Variants in LRP1B observed in about 807,000 individuals in gnomAD.
LRP1B encodes the protein low-density lipoprotein receptor-related protein 1B.
Under a neutral mutation model 556.6 loss-of-function variants are expected in LRP1B, and 217 were observed. That is an observed-to-expected ratio of 0.39 (90% CI 0.35 to 0.44). The LOEUF is 0.44. Among genes scored for constraint, LRP1B ranks in the 20% least tolerant of loss-of-function variants. The pLI, the probability that LRP1B is intolerant of heterozygous loss-of-function variation, is 1.00. For synonymous variants in LRP1B, 2,047 were observed against 1,865.8 expected (o/e 1.10, Z -2.50); for missense variants, 5,053 against 5,620.8 (o/e 0.90, Z 3.23).
intron 1 of LRP1B, among the ~76,000 whole-genome samples, chr2:142,005,609 T>C (rs1192141092): frequency 2.0e-5 from 3 of 152,170 alleles, no homozygotes; most frequent in African/African-American, 7.2e-5. Flanking sequence ...TAATGATGAA[T>C]AAAAGAAAAG....
intron 2 of LRP1B, among the ~76,000 whole-genome samples, chr2:141,728,174 A>C (rs753299159): frequency 5.3e-5 from 8 of 152,180 alleles, no homozygotes; most frequent in Non-Finnish European, 1.0e-4. Flanking sequence ...GGAGAGAAGA[A>C]CTTGCAAAGC....
At chr2:141,236,701 A>G (rs1425899930) in intron 5 of LRP1B, among the ~76,000 whole-genome samples, 1 of 152,178 alleles carries the variant, frequency 6.6e-6, no homozygotes, top group Non-Finnish European at 1.5e-5. Context: ...AACGTCTTAC[A>G]CACTGCCTTC....
chr2:140,320,304 C>A (rs1449009622), intron 82 of LRP1B, among the ~76,000 whole-genome samples: 1 of 152,142 alleles, frequency 6.6e-6, no homozygotes, highest in Non-Finnish European at 1.5e-5. Flanking sequence ...CTCTGCATAT[C>A]AAATGCTTAA....
chr2:140,351,205 A>T (rs1043964308), intron 76 of LRP1B, among the ~76,000 whole-genome samples, 167 bp from the exon 77 acceptor site: 4 of 151,976 alleles, frequency 2.6e-5, no homozygotes, highest in African/African-American at 9.7e-5. Flanking sequence ...ATTATTTCTG[A>T]TACTCACTTA....
chr2:141,098,901 C>T (rs1558859772), intron 7 of LRP1B, among the ~76,000 whole-genome samples: 1 of 152,152 alleles, frequency 6.6e-6, no homozygotes, highest in Non-Finnish European at 1.5e-5. Context: ...AGGTAATCCG[C>T]CCGCCTCAGC....
intron 2 of LRP1B, among the ~76,000 whole-genome samples, chr2:141,767,268 A>T (rs1051064719): frequency 6.6e-6 from 1 of 152,074 alleles, no homozygotes; most frequent in Admixed American, 6.5e-5. Flanking sequence ...AAGTATAAGG[A>T]GCTAAAGTAT....
At chr2:141,483,235 A>C (rs1034664679) in intron 2 of LRP1B, among the ~76,000 whole-genome samples, 8 of 149,940 alleles carry the variant, frequency 5.3e-5, no homozygotes, top group Non-Finnish European at 8.9e-5. Context: ...TCCTTGCGAT[A>C]GTTTGCTGAG....
chr2:140,740,820 G>T (rs1573648356), intron 35 of LRP1B, among the ~76,000 whole-genome samples: 1 of 151,884 alleles, frequency 6.6e-6, no homozygotes, highest in African/African-American at 2.4e-5. Flanking sequence ...TTTTTTCTGT[G>T]TACTAATCTT....
intron 6 of LRP1B, 121 bp downstream of exon 6, chr2:141,229,062 G>C (rs1005106025): frequency 7.5e-6 from 7 of 927,450 alleles, no homozygotes; most frequent in Non-Finnish European, 1.0e-5. Flanking sequence ...CAAGTTCATT[G>C]TATTTGCACA....
intron 35 of LRP1B, among the ~76,000 whole-genome samples, chr2:140,755,431 C>T (rs1688712402): frequency 6.6e-6 from 1 of 151,938 alleles, no homozygotes; most frequent in African/African-American, 2.4e-5. Flanking sequence ...TACTAGTGAA[C>T]TGAATCCAGC....
chr2:140,771,920 A>G (rs1012367474), intron 33 of LRP1B, among the ~76,000 whole-genome samples: 5 of 152,198 alleles, frequency 3.3e-5, no homozygotes, highest in African/African-American at 1.2e-4. Context: ...CAAAATACCA[A>G]TGCAGCTCGT....
At chr2:140,510,998 C>CT (rs1318070703) in intron 51 of LRP1B, among the ~76,000 whole-genome samples, 1,514 of 147,682 alleles carry the variant, frequency 0.01, 16 homozygotes, top group African/African-American at 0.031. Context: ...CCCTAAATCT[C>CT]TTTTTTTTTT....
intron 21 of LRP1B, among the ~76,000 whole-genome samples, chr2:140,910,515 A>G (rs1310769590): frequency 3.3e-5 from 5 of 151,896 alleles, no homozygotes; most frequent in Admixed American, 3.3e-4. Context: ...CTCCATAGAC[A>G]AAGTCACTGG....
chr2:140,357,928 G>A, intron 74 of LRP1B, 51 bp downstream of exon 74: 2 of 1,571,250 alleles, frequency 1.3e-6, no homozygotes, highest in South Asian at 2.3e-5. Flanking sequence ...TGTACAAGCA[G>A]AAGTTAGACT....
chr2:142,056,309 G>A (rs534785237), intron 1 of LRP1B, among the ~76,000 whole-genome samples: 2 of 144,948 alleles, frequency 1.4e-5, no homozygotes, highest in African/African-American at 2.5e-5. Flanking sequence ...CTGGAAAAAA[G>A]ATATAGTGTG....
chr2:140,376,102 T>A (rs1167702893), intron 68 of LRP1B, among the ~76,000 whole-genome samples: 3 of 152,064 alleles, frequency 2.0e-5, no homozygotes. Flanking sequence ...GCACTAAACA[T>A]CTATAAATGT....
At chr2:141,910,542 C>T (rs1350643492) in intron 1 of LRP1B, among the ~76,000 whole-genome samples, 1 of 151,810 alleles carries the variant, frequency 6.6e-6, no homozygotes, top group Non-Finnish European at 1.5e-5. Context: ...GATATGGATC[C>T]TACTGGCTAC....
chr2:141,200,120 C>T (rs1038216102), intron 6 of LRP1B, among the ~76,000 whole-genome samples: 1 of 152,132 alleles, frequency 6.6e-6, no homozygotes, highest in Non-Finnish European at 1.5e-5. Flanking sequence ...AAGACACATG[C>T]ACGTATATGT....
chr2:140,505,913 A>C (rs1689389257), intron 53 of LRP1B, among the ~76,000 whole-genome samples: 1 of 152,186 alleles, frequency 6.6e-6, no homozygotes, highest in Non-Finnish European at 1.5e-5. Flanking sequence ...TTACAGTTAA[A>C]CTTCAACTGA....
Sources: allele counts gnomAD v4.1 joint callset (sites outside exome capture counted in the v4.1 genomes callset), GRCh38; gene constraint gnomAD v4.1.1; transcripts MANE v1.5; gene names NCBI Gene and HGNC (gene_info 2026-07-23, HGNC 2026-07-21).